The following UPK3A variants were observed in gnomAD, a reference collection of about 807,000 sequenced individuals.
UPK3A encodes uroplakin-3a.
Under a neutral mutation model 27.6 loss-of-function variants are expected in UPK3A, and 32 were observed. That is an observed-to-expected ratio of 1.16 (90% CI 0.87 to 1.55). The LOEUF (loss-of-function observed/expected upper bound fraction) is 1.55. UPK3A is among the 40% of genes most tolerant of loss of function. The probability of loss-of-function intolerance (pLI) is 0.00; values close to 1 mark genes in which losing one functional copy is unlikely to be tolerated. For synonymous variants in UPK3A, 171 were observed against 163.9 expected (o/e 1.04, Z -0.33); for missense variants, 370 against 367.9 (o/e 1.01, Z -0.05).
At chr22:45,288,928 C>G (rs2084138957) in intron 3 of UPK3A, 133 bp from the exon 4 acceptor site, 2 of 823,980 alleles carry the variant, frequency 2.4e-6, no homozygotes, top group Non-Finnish European at 4.0e-6. Flanking sequence ...CAGTAGCCGT[C>G]TACATTTCCG....
chr22:45,287,197 A>G lies in UPK3A; in HGVS notation c.234A>G (p.Gln78=), dbSNP rs746729290. The G allele has an allele frequency of 1.2e-6, 2 of 1,614,162 alleles. No individual in the cohort carries two copies. The highest frequency in any genetic ancestry group is 1.7e-6 in the Non-Finnish European group (2 of 1,180,020). ...CCATTTCCAGGAATGCCTCAGTGCA[A>G]GACAGCACCAACACCCCACTGGGCT... ...DSAISRNASV[Q]DSTNTPLGST... is the part of the protein sequence containing the mutation. Residue 78 remains glutamine (Q), a synonymous_variant, in exon 3 of 6, where the codon CAA becomes CAG. Transcript: ENST00000216211.
At chr22:45,290,512 G>A (rs1012963056) in intron 4 of UPK3A, among the ~76,000 whole-genome samples, 14 of 152,118 alleles carry the variant, frequency 9.2e-5, no homozygotes, top group African/African-American at 3.4e-4. Flanking sequence ...TGTGGTAACT[G>A]TATAATGTAG....
rs574888017 is a variant in UPK3A, at chr22:45,289,229, T to A, written c.571+86T>A. The A allele has an allele frequency of 2.1e-6, 3 of 1,406,868 alleles. No individual in the cohort carries two copies. In the African/African-American group the frequency reaches 4.3e-5, roughly 20 times the overall value. 87.1% of individuals were successfully genotyped at this position (1,406,868 alleles called of 1,614,324 possible). The stretch of plus-strand genomic sequence containing the variant: ...ACGGCGGTGAGAACCAAGGCTCCTC[T>A]GTCCCTGTGAAAGCCTCCCAGGCCA... On this transcript the variant is annotated intron_variant, in intron 4 of 5. Coordinates refer to ENST00000216211, the MANE Select transcript of UPK3A (RefSeq NM_006953.4).
chr22:45,292,273 G>C (rs1272058144), intron 4 of UPK3A, among the ~76,000 whole-genome samples: 2 of 152,178 alleles, frequency 1.3e-5, no homozygotes, highest in African/African-American at 2.4e-5. Flanking sequence ...GGGCCCATCT[G>C]GGGGACAGCA....
Position 45,287,345 on chromosome 22 carries a change from A to G in UPK3A, c.382A>G (p.Ile128Val), listed in dbSNP as rs775830001. Residue 128 changes from isoleucine to valine, a missense_variant, in exon 3 of 6, where the codon ATC (isoleucine) becomes GTC (valine). Transcript: ENST00000216211. ...AIGDVSKASQ[I>V]LNAYLVRVGA... ...TGGGGATGTGTCCAAGGCCTCACAG[A>G]TCCTGAATGCCTACCTGGTCAGGGT... 6.2e-7 allele frequency: 1 copy of G among 1,614,112 alleles called. No homozygotes were observed. The highest frequency in any genetic ancestry group is 1.1e-5 in the South Asian group (1 of 91,080).
intron 4 of UPK3A, 79 bp downstream of exon 4, chr22:45,289,222 G>C (rs2084142033): frequency 6.9e-7 from 1 of 1,454,872 alleles, no homozygotes; most frequent in Non-Finnish European, 9.6e-7. Context: ...GAGAACCAAG[G>C]CTCCTCTGTC....
intron 5 of UPK3A, among the ~76,000 whole-genome samples, chr22:45,294,417 C>CA (rs928091187): frequency 6.6e-6 from 1 of 151,656 alleles, no homozygotes; most frequent in Non-Finnish European, 1.5e-5. Context: ...TGGTACACCC[C>CA]CCCCGGGAGA....
At chr22:45,285,745 C>A (rs996352725) in intron 1 of UPK3A, among the ~76,000 whole-genome samples, 196 bp from the exon 2 acceptor site, 2 of 152,122 alleles carry the variant, frequency 1.3e-5, no homozygotes. Context: ...GGAGAGAAGG[C>A]AGCAGTTTGG....
chr22:45,292,517 C>T (rs764602960), intron 4 of UPK3A, among the ~76,000 whole-genome samples: 5 of 152,214 alleles, frequency 3.3e-5, no homozygotes, highest in Admixed American at 6.5e-5. Flanking sequence ...CACCTGGCCC[C>T]GTCAGACCAG....
In UPK3A at chr22:45,285,028, G is replaced by A. The variant is rs991950830; in HGVS notation, c.15G>A (p.Trp5Ter). ...CCTCCCGGGCGATGCCTCCGCTCTG[G>A]GCCCTGCTGGCCCTCGGCTGCCTGC... MPPL[W>*]ALLALGCLRF... is the part of the protein sequence containing the mutation. The change falls in exon 1 of 6, where the codon TGG (tryptophan) becomes TGA (stop). Residue 5 changes from tryptophan (W) to a stop codon, truncating the protein, a stop_gained. Transcript: ENST00000216211. LOFTEE classifies it high-confidence loss of function. 2.0e-5 allele frequency: 30 copies of A among 1,534,080 alleles called. No individual in the cohort carries two copies. Among genetic ancestry groups the A allele is most frequent in the Non-Finnish European group, 2.2e-5 (25 of 1,147,076 alleles).
intron 3 of UPK3A, 144 bp downstream of exon 3, chr22:45,287,595 C>A: frequency 9.6e-7 from 1 of 1,044,664 alleles, no homozygotes; most frequent in South Asian, 1.4e-5. Flanking sequence ...CCACGCTGAG[C>A]CTCAAGTTCA....
At position 45,287,190 on chromosome 22, in the gene UPK3A, C is replaced by T. The variant is rs202189234; in HGVS notation, c.227C>T (p.Ser76Leu). 4 of 1,614,048 alleles carry T rather than the reference C, an allele frequency of 2.5e-6. No homozygotes were observed. Among genetic ancestry groups the T allele is most frequent in the Admixed American group, 1.7e-5 (1 of 60,004 alleles). The part of the protein sequence containing the change: ...LVDSAISRNA[S>L]VQDSTNTPLG... ...TCTGCAGCCATTTCCAGGAATGCCT[C>T]AGTGCAAGACAGCACCAACACCCCA... The change falls in exon 3 of 6, where the codon TCA (serine) becomes TTA (leucine). Residue 76 changes from serine (S) to leucine (L), a missense_variant. Physicochemically the swap from Ser to Leu is moderately radical, Grantham distance 145 (BLOSUM62 -2). Transcript: ENST00000216211.
In UPK3A at chr22:45,287,223, C is replaced by A. The variant is rs138918236; in HGVS notation, c.260C>A (p.Ser87Ter). 1.1e-3 allele frequency: 1,844 copies of A among 1,614,222 alleles called. 12 individuals are homozygous for A. The African/African-American group carries it at 0.018, about 16-fold the overall frequency. ...VQDSTNTPLG[S>*]TFLQTEGGRT... The stretch of plus-strand genomic sequence containing the variant: ...GACAGCACCAACACCCCACTGGGCT[C>A]AACGTTCCTACAAACAGAGGGTGGG... Residue 87 changes from serine to a stop codon, truncating the protein, a stop_gained, in exon 3 of 6, where the codon TCA becomes TAA. Coordinates refer to ENST00000216211, the MANE Select transcript of UPK3A (RefSeq NM_006953.4). LOFTEE classifies it high-confidence loss of function.
intron 1 of UPK3A, among the ~76,000 whole-genome samples, 187 bp from the exon 2 acceptor site, chr22:45,285,754 G>A (rs755981946): frequency 1.3e-5 from 2 of 152,154 alleles, no homozygotes; most frequent in African/African-American, 4.8e-5. Context: ...GCAGCAGTTT[G>A]GCCCGACCGC....
intron 1 of UPK3A, 24 bp downstream of exon 1, chr22:45,285,089 G>T: frequency 6.5e-7 from 1 of 1,533,500 alleles, no homozygotes; most frequent in Middle Eastern, 1.8e-4. Context: ...GGCAGGAGGG[G>T]GCTGAGCCCA....
At chr22:45,286,679 C>A (rs2084120385) in intron 2 of UPK3A, among the ~76,000 whole-genome samples, 1 of 152,172 alleles carries the variant, frequency 6.6e-6, no homozygotes, top group South Asian at 2.1e-4. Flanking sequence ...CTTCTTTCAG[C>A]ATGTGTTTAT....
Position 45,289,124 on chromosome 22 carries a change from C to A in UPK3A, c.552C>A (p.Asp184Glu). ...TAGAGGACCAGACCCTGTGGTCAGA[C>A]CCCATCCGCACCAACCAGCGTAAGT... The part of the protein sequence containing the change: ...GLVEDQTLWS[D>E]PIRTNQLTPY... Residue 184 changes from aspartate to glutamate, a missense_variant, in exon 4 of 6, where the codon GAC becomes GAA. Physicochemically the swap from Asp to Glu is conservative, Grantham distance 45. Transcript: ENST00000216211. 1 of 1,613,922 alleles carries A rather than the reference C, an allele frequency of 6.2e-7. No homozygotes were observed. The highest frequency in any genetic ancestry group is 8.5e-7 in the Non-Finnish European group (1 of 1,179,970).
chr22:45,292,341 G>A (rs994719828), intron 4 of UPK3A, among the ~76,000 whole-genome samples: 1 of 152,134 alleles, frequency 6.6e-6, no homozygotes, highest in African/African-American at 2.4e-5. Flanking sequence ...TCCTTGGCTG[G>A]GGACTCAGGC....
rs141099816 is a variant in UPK3A at position 45,289,091 on chromosome 22, G to T, written c.519G>T (p.Thr173=). 3.1e-6 allele frequency: 5 copies of T among 1,613,976 alleles called. 1 individual carries two copies. In the South Asian group the frequency reaches 5.5e-5, roughly 18 times the overall value. ...RFKYVLVNMS[T]GLVEDQTLWS... is the part of the protein sequence containing the mutation. ...AGTATGTCCTGGTCAATATGTCCAC[G>T]GGCTTGGTAGAGGACCAGACCCTGT... Residue 173 remains threonine, a synonymous_variant, in exon 4 of 6, where the codon ACG becomes ACT. Transcript: ENST00000216211.
Sources: gnomAD v4.1 joint callset for allele counts (sites outside exome capture counted in the v4.1 genomes callset) on GRCh38, gnomAD v4.1.1 for gene constraint, MANE v1.5 for transcripts, NCBI Gene and HGNC (gene_info 2026-07-23, HGNC 2026-07-21) for gene names.